Variants in POT1 observed in about 807,000 individuals in gnomAD.
POT1 encodes protection of telomeres protein 1.
Under a neutral mutation model 78.5 loss-of-function variants are expected in POT1, and 47 were observed. The observed-to-expected ratio is 0.60, with a 90% CI of 0.47 to 0.76. The LOEUF (loss-of-function observed/expected upper bound fraction) is 0.76, where lower values mean the gene tolerates loss of function less well. Among genes scored for constraint, POT1 ranks in the 30% least tolerant of loss-of-function variants. POT1 has a pLI of 0.00. For missense variants in POT1, 646 were observed against 749.9 expected, an observed-to-expected ratio of 0.86 and a Z score of 1.62; for synonymous variants, 259 against 260.7, an observed-to-expected ratio of 0.99 and a Z score of 0.06.
In POT1 at chr7:124,842,287, A is replaced by T. The variant is rs1419683916; in HGVS notation, c.1163+520T>A. On this transcript the variant is annotated intron_variant, in intron 13 of 18. Coordinates refer to ENST00000357628, the MANE Select transcript of POT1 (RefSeq NM_015450.3). Reference sequence around the variant, plus strand: ...TTATGTAGTAAAAGGATTACAAAACAGTTATATACATTTATTACATATTTA... The same window carrying T: ...TTATGTAGTAAAAGGATTACAAAACTGTTATATACATTTATTACATATTTA... Among the ~76,000 whole-genome samples the T allele has an allele frequency of 3.3e-5, 5 of 152,122 alleles. No homozygotes were observed. In the East Asian group the frequency reaches 9.6e-4, roughly 29 times the overall value.
chr7:124,887,367 C>T (rs1307266744), intron 6 of POT1, among the ~76,000 whole-genome samples: 1 of 152,050 alleles, frequency 6.6e-6, no homozygotes, highest in African/African-American at 2.4e-5. Context: ...TTATTTAAAA[C>T]TTATCTCCGT....
rs781523758 is a variant in POT1, at chr7:124,892,406, C to T, written c.10-26G>A. 32 of 1,122,240 alleles carry T rather than the reference C, an allele frequency of 2.9e-5. 1 individual carries two copies. In the East Asian group the frequency reaches 8.8e-4, roughly 31 times the overall value. 69.5% of individuals were successfully genotyped at this position (1,122,240 alleles called of 1,614,324 possible). A position where few individuals can be genotyped will look rare whatever the true frequency, so the allele number is the denominator to read the frequency against. On this transcript the variant is annotated intron_variant, in intron 5 of 18. Coordinates refer to ENST00000357628, the MANE Select transcript of POT1 (RefSeq NM_015450.3). ...CTAAAGAAAGAGAAGACAGTGAATA[C>T]ATTTATACAAAGTATTTACATTGTA...
chr7:124,887,417 G>GT (rs746121481), intron 6 of POT1, among the ~76,000 whole-genome samples: 8 of 151,864 alleles, frequency 5.3e-5, no homozygotes, highest in South Asian at 2.1e-4. Context: ...ACACAGACTA[G>GT]TTTTTTTTAC....
chr7:124,822,774 T>C lies in POT1; in HGVS notation c.*1188A>G, dbSNP rs992162853. The C allele has an allele frequency of 2.3e-5, 5 of 217,132 alleles. No homozygotes were observed. Among genetic ancestry groups the C allele is most frequent in the Middle Eastern group, 1.1e-3 (1 of 872 alleles). 13.5% of individuals were successfully genotyped at this position (217,132 alleles called of 1,614,324 possible). On this transcript the variant is annotated 3_prime_UTR_variant, in exon 19 of 19. Transcript: ENST00000357628. ...TAGTTAGGTAAAGAAGATGTGTTAATGTACTCAGGAACTAGAATTTAGAGT... is the reference window on the plus strand; with the variant it reads ...TAGTTAGGTAAAGAAGATGTGTTAACGTACTCAGGAACTAGAATTTAGAGT...
intron 3 of POT1, among the ~76,000 whole-genome samples, chr7:124,915,034 A>G (rs962027575): frequency 6.6e-6 from 1 of 152,160 alleles, no homozygotes; most frequent in Non-Finnish European, 1.5e-5. Flanking sequence ...GTAATTATTC[A>G]CTGCATTTCC....
chr7:124,925,289 T>A (rs758085890), intron 2 of POT1, among the ~76,000 whole-genome samples: 1 of 151,966 alleles, frequency 6.6e-6, no homozygotes, highest in Non-Finnish European at 1.5e-5. Flanking sequence ...TGTACAAAAA[T>A]CAGTAATGTT....
intron 11 of POT1, among the ~76,000 whole-genome samples, chr7:124,849,306 A>G (rs967034183): frequency 1.3e-5 from 2 of 152,210 alleles, no homozygotes; most frequent in Non-Finnish European, 2.9e-5. Flanking sequence ...ACAAACTGAC[A>G]AAAATATAAT....
chr7:124,897,232 A>T lies in POT1; in HGVS notation c.-39-20T>A, dbSNP rs892850092. The T allele has an allele frequency of 1.6e-6, 2 of 1,222,178 alleles. No homozygotes were observed. Among genetic ancestry groups the T allele is most frequent in the African/African-American group, 3.1e-5 (2 of 64,876 alleles). 75.7% of individuals were successfully genotyped at this position (1,222,178 alleles called of 1,614,324 possible). A position where few individuals can be genotyped will look rare whatever the true frequency, so the allele number is the denominator to read the frequency against. ...ATAAACCTGAAGGAAAAAAAGAAAG[A>T]ACTTATTTGTATACAGATAACCTCC... On this transcript the variant is annotated intron_variant, in intron 4 of 18. Coordinates refer to ENST00000357628, the MANE Select transcript of POT1 (RefSeq NM_015450.3).
chr7:124,875,774 T>C (rs1393165017), intron 6 of POT1, among the ~76,000 whole-genome samples: 1 of 152,164 alleles, frequency 6.6e-6, no homozygotes, highest in Non-Finnish European at 1.5e-5. Context: ...AGAGGAAATA[T>C]GGTATTCTTA....
At chr7:124,863,741 G>T in intron 7 of POT1, 101 bp from the exon 8 acceptor site, 1 of 962,258 alleles carries the variant, frequency 1.0e-6, no homozygotes, top group Non-Finnish European at 1.6e-6. Context: ...AATTTTGCCA[G>T]CATAATTAAG....
chr7:124,838,492 T>G (rs1219658120), intron 14 of POT1, among the ~76,000 whole-genome samples: 1 of 152,146 alleles, frequency 6.6e-6, no homozygotes, highest in Non-Finnish European at 1.5e-5. Context: ...AGTAAAACTA[T>G]AAAACCCTAG....
At chr7:124,846,801 A>T (rs1795178665) in intron 12 of POT1, 141 bp downstream of exon 12, 1 of 557,910 alleles carries the variant, frequency 1.8e-6, no homozygotes, top group Non-Finnish European at 3.1e-6. Flanking sequence ...CGGTAGAAGA[A>T]GAAAGTTAAA....
chr7:124,847,108 G>C (rs746488883), intron 11 of POT1, 110 bp from the exon 12 acceptor site: 216 of 673,464 alleles, frequency 3.2e-4, no homozygotes, highest in Admixed American at 1.3e-3. Flanking sequence ...TAAATGGTGA[G>C]ATATGCCACA....
intron 11 of POT1, among the ~76,000 whole-genome samples, chr7:124,847,261 G>A (rs1795194536): frequency 6.6e-6 from 1 of 152,316 alleles, no homozygotes; most frequent in African/African-American, 2.4e-5. Flanking sequence ...TCGGAGGACT[G>A]AGGTGGGCAG....
chr7:124,882,389 T>A (rs149044760), intron 6 of POT1, among the ~76,000 whole-genome samples: 1 of 152,054 alleles, frequency 6.6e-6, no homozygotes, highest in Non-Finnish European at 1.5e-5. Flanking sequence ...ACAAGGAAAC[T>A]TACTGTACAA....
chr7:124,911,694 T>A (rs1467618779), intron 3 of POT1, among the ~76,000 whole-genome samples: 1 of 152,162 alleles, frequency 6.6e-6, no homozygotes, highest in Non-Finnish European at 1.5e-5. Context: ...AAAAATTAAC[T>A]GATTTAACAG....
chr7:124,899,216 T>G (rs900814523), intron 3 of POT1, among the ~76,000 whole-genome samples: 3 of 152,198 alleles, frequency 2.0e-5, no homozygotes, highest in African/African-American at 7.2e-5. Flanking sequence ...AAGATAGTGG[T>G]CATTTCTAAT....
chr7:124,869,455 CTAAA>C (rs1795813893), intron 7 of POT1, among the ~76,000 whole-genome samples: 1 of 151,930 alleles, frequency 6.6e-6, no homozygotes, highest in African/African-American at 2.4e-5. Flanking sequence ...ATAACAACAA[CTAAA>C]TATGTTTATG....
chr7:124,914,764 G>A (rs1174046597), intron 3 of POT1, among the ~76,000 whole-genome samples: 2 of 152,074 alleles, frequency 1.3e-5, no homozygotes, highest in Non-Finnish European at 2.9e-5. Context: ...ATACACATGG[G>A]TTATATGCAA....
Sources: allele counts gnomAD v4.1 joint callset (sites outside exome capture counted in the v4.1 genomes callset), GRCh38; gene constraint gnomAD v4.1.1; transcripts MANE v1.5; gene names NCBI Gene and HGNC (gene_info 2026-07-23, HGNC 2026-07-21).